The following ERCC8 variants were observed in gnomAD, a reference collection of about 807,000 sequenced individuals.
ERCC8 encodes the protein DNA excision repair protein ERCC-8.
Under a neutral mutation model 54.9 loss-of-function variants are expected in ERCC8, and 52 were observed. The observed-to-expected ratio is 0.95, with a 90% CI of 0.76 to 1.19. The LOEUF (loss-of-function observed/expected upper bound fraction) is 1.19, where lower values mean the gene tolerates loss of function less well. ERCC8 is among the 50% of genes most tolerant of loss of function. The probability of loss-of-function intolerance (pLI) is 0.00; values close to 1 mark genes in which losing one functional copy is unlikely to be tolerated. For synonymous variants in ERCC8, 146 were observed against 157.2 expected (o/e 0.93, Z 0.53); for missense variants, 514 against 466.1 (o/e 1.10, Z -0.95).
intron 1 of ERCC8, 136 bp from the exon 2 acceptor site, chr5:60,929,095 T>C (rs1580040699): frequency 6.6e-6 from 4 of 605,264 alleles, no homozygotes; most frequent in South Asian, 2.2e-5. Context: ...AACGTATTTA[T>C]AGATTTTTAG....
At chr5:60,943,500 T>C (rs1238674236) in intron 1 of ERCC8, among the ~76,000 whole-genome samples, 1 of 152,194 alleles carries the variant, frequency 6.6e-6, no homozygotes, top group Non-Finnish European at 1.5e-5. Flanking sequence ...TATGGGTGAT[T>C]GGTCACTGTG....
chr5:60,939,170 T>C (rs950543744), intron 1 of ERCC8, among the ~76,000 whole-genome samples: 8 of 152,206 alleles, frequency 5.3e-5, no homozygotes, highest in Non-Finnish European at 7.3e-5. Flanking sequence ...ATGAAGTTGC[T>C]ATTCATTTCC....
At position 60,944,859 on chromosome 5, in the gene ERCC8, T is replaced by C. The variant is rs538101168; in HGVS notation, c.77+73A>G. ...GCAGGAGAGCGATGAGACGGGAAAG[T>C]GTGGGGCAAAGCTTACAGTCATTGG... On this transcript the variant is annotated intron_variant, in intron 1 of 11. Transcript: ENST00000676185. The C allele has an allele frequency of 6.5e-5, 72 of 1,099,988 alleles. No homozygotes were observed. In the South Asian group the frequency reaches 8.5e-4, roughly 13 times the overall value. 68.1% of individuals were successfully genotyped at this position (1,099,988 alleles called of 1,614,324 possible).
At chr5:60,921,191 C>T (rs1749590541) in intron 3 of ERCC8, among the ~76,000 whole-genome samples, 1 of 151,828 alleles carries the variant, frequency 6.6e-6, no homozygotes, top group Admixed American at 6.6e-5. Context: ...CTGATTTTCC[C>T]AAATTTGTAT....
Position 60,891,008 on chromosome 5 carries a change from C to T in ERCC8, c.922G>A (p.Val308Ile), listed in dbSNP as rs76592390. The change falls in exon 10 of 12, where the codon GTT becomes ATT. Residue 308 changes from valine (V) to isoleucine (I), a missense_variant. Coordinates refer to ENST00000676185, the MANE Select transcript of ERCC8 (RefSeq NM_000082.4). ...ATGGTGCTACCATATGGTACAAAAACAAATTCTGAACTGCAGCCACAGGAG... is the reference window on the plus strand; with the variant it reads ...ATGGTGCTACCATATGGTACAAAAATAAATTCTGAACTGCAGCCACAGGAG... The part of the protein sequence containing the change: ...TVSCGCSSEF[V>I]FVPYGSTIAV... 3.1e-6 allele frequency: 5 copies of T among 1,613,430 alleles called. No homozygotes were observed. In the African/African-American group the frequency reaches 5.3e-5, roughly 17 times the overall value.
rs1468231556 is a variant in ERCC8 at position 60,902,458 on chromosome 5, T to TA, written c.600dup (p.Ile201TyrfsTer8). The TA allele has an allele frequency of 1.9e-6, 3 of 1,612,050 alleles. No homozygotes were observed. The highest frequency in any genetic ancestry group is 3.3e-5 in the Admixed American group (2 of 59,988). Reference sequence around the variant, plus strand: ...AAATTTTACCTTGCTGTTGCCAAGATATAGTCATAACGTGGAGACCAGGAA... The same window carrying TA: ...AAATTTTACCTTGCTGTTGCCAAGATAATAGTCATAACGTGGAGACCAGGAA... On this transcript the variant is annotated frameshift_variant, in exon 7 of 12. Transcript: ENST00000676185. LOFTEE classifies it high-confidence loss of function.
rs1399629321 is a variant in ERCC8, at chr5:60,892,469, T to C, written c.844-1383A>G. Reference sequence around the variant, plus strand: ...CAGGCAGAGTGTGAGTGGGTGGTGGTGGTCTATAGAAGCTGATCTTCCCGC... The same window carrying C: ...CAGGCAGAGTGTGAGTGGGTGGTGGCGGTCTATAGAAGCTGATCTTCCCGC... On this transcript the variant is annotated intron_variant, in intron 9 of 11. Transcript: ENST00000676185. The C allele has an allele frequency of 5.3e-6, 3 of 565,926 alleles. No homozygotes were observed. The East Asian group carries it at 1.3e-4, about 24-fold the overall frequency. 35.1% of individuals were successfully genotyped at this position (565,926 alleles called of 1,614,324 possible).
chr5:60,908,580 TA>T lies in ERCC8; in HGVS notation c.400-3708del, dbSNP rs1159200624. On this transcript the variant is annotated intron_variant, in intron 4 of 11. Coordinates refer to ENST00000676185, the MANE Select transcript of ERCC8 (RefSeq NM_000082.4). ...ATATAAATACATATATATATATATA[TA>T]TATTTTTTTTTTAAATAATGGCTTT... 2.8e-4 allele frequency among the ~76,000 whole-genome samples: 23 copies of T among 80,970 alleles called. No homozygotes were observed. In the East Asian group the frequency reaches 3.3e-3, roughly 12 times the overall value. The allele number at this position is 80,970 out of a possible 152,430, so 53.1% of individuals were successfully genotyped here.
At chr5:60,878,807 T>C (rs1270929139) in intron 11 of ERCC8, among the ~76,000 whole-genome samples, 1 of 152,230 alleles carries the variant, frequency 6.6e-6, no homozygotes, top group African/African-American at 2.4e-5. Context: ...TGTTGATCTT[T>C]TACAAAAACC....
In ERCC8 at chr5:60,873,631, C is replaced by G. The variant is rs1398837273; in HGVS notation, c.*984G>C. Among the ~76,000 whole-genome samples the G allele has an allele frequency of 6.6e-6, 1 of 152,000 alleles. No homozygotes were observed. Among genetic ancestry groups the G allele is most frequent in the Non-Finnish European group, 1.5e-5 (1 of 68,004 alleles). On this transcript the variant is annotated 3_prime_UTR_variant, in exon 12 of 12. Transcript: ENST00000676185. ...GGTGAAGGTTGCAGTGAGCTGAGAT[C>G]AAAACACTGCACTCCGGCCTGAGCG...
chr5:60,927,658 T>C (rs1029380162), intron 2 of ERCC8, among the ~76,000 whole-genome samples: 1 of 152,182 alleles, frequency 6.6e-6, no homozygotes, highest in Non-Finnish European at 1.5e-5. Flanking sequence ...AGTAACAGTA[T>C]TGATTACTTT....
intron 9 of ERCC8, chr5:60,891,881 G>A (rs949365827): frequency 5.2e-5 from 23 of 444,658 alleles, no homozygotes; most frequent in African/African-American, 1.2e-4. Context: ...GTAATCTCCC[G>A]TCCCACTGGA....
At chr5:60,931,119 CAAA>C (rs781129159) in intron 1 of ERCC8, among the ~76,000 whole-genome samples, 1 of 115,924 alleles carries the variant, frequency 8.6e-6, no homozygotes. Flanking sequence ...GACTCCGTCT[CAAA>C]AAAAAAAAAA....
chr5:60,876,661 G>A lies in ERCC8; in HGVS notation c.1123-1978C>T, dbSNP rs1748018696. ...ATGAGCATTTTTTCATGTGTCTTTT[G>A]GCTGCATAAATGTCTTCTTTTGAGA... On this transcript the variant is annotated intron_variant, in intron 11 of 11. Coordinates refer to ENST00000676185, the MANE Select transcript of ERCC8 (RefSeq NM_000082.4). Among the ~76,000 whole-genome samples, 3 of 152,128 alleles carry A rather than the reference G, an allele frequency of 2.0e-5. No homozygotes were observed. In the South Asian group the frequency reaches 6.2e-4, roughly 32 times the overall value.
At chr5:60,925,138 C>G (rs553538234) in intron 2 of ERCC8, among the ~76,000 whole-genome samples, 3 of 151,908 alleles carry the variant, frequency 2.0e-5, no homozygotes, top group Admixed American at 6.6e-5. Context: ...TTTTCTTAAC[C>G]TTTTAGAATG....
chr5:60,914,011 CTA>C (rs1451618225), intron 4 of ERCC8, among the ~76,000 whole-genome samples: 2 of 152,170 alleles, frequency 1.3e-5, no homozygotes, highest in East Asian at 3.9e-4. Context: ...TTACTTCCAA[CTA>C]TGTGGTCAAT....
intron 11 of ERCC8, 126 bp from the exon 12 acceptor site, chr5:60,874,809 T>C: frequency 1.3e-6 from 1 of 767,212 alleles, no homozygotes; most frequent in Admixed American, 2.8e-5. Context: ...AGAAAATGTA[T>C]AACTGTTAAT....
At chr5:60,926,720 T>C (rs1580036266) in intron 2 of ERCC8, among the ~76,000 whole-genome samples, 1 of 152,240 alleles carries the variant, frequency 6.6e-6, no homozygotes, top group East Asian at 1.9e-4. Context: ...GTGAGTTACA[T>C]GTATACTACA....
intron 1 of ERCC8, among the ~76,000 whole-genome samples, chr5:60,930,759 T>C (rs162228): frequency 0.64 from 96,640 of 151,850 alleles, 31,171 homozygotes; most frequent in East Asian, 0.94. Flanking sequence ...GGTTTAAATA[T>C]CCAGACAAAC....
Sources: gnomAD v4.1 joint callset for allele counts (sites outside exome capture counted in the v4.1 genomes callset) on GRCh38, gnomAD v4.1.1 for gene constraint, MANE v1.5 for transcripts, NCBI Gene and HGNC (gene_info 2026-07-23, HGNC 2026-07-21) for gene names.